KIF4A: variants seen among roughly 807,000 people sequenced by gnomAD.
The protein encoded by KIF4A is kinesin family member 4A.
In KIF4A, 7 loss-of-function variants were observed where a neutral mutation model predicts 105.9. That is an observed-to-expected ratio of 0.07 (90% CI 0.04 to 0.12). The LOEUF is 0.12. KIF4A is among the 10% of genes least tolerant of loss of function. KIF4A has a pLI of 1.00. For synonymous variants in KIF4A, 281 were observed against 331.3 expected, an observed-to-expected ratio of 0.85 and a Z score of 1.65; for missense variants, 558 against 929.2, an observed-to-expected ratio of 0.60 and a Z score of 5.19.
At chrX:70,306,502 CTTTTTCAAAT>C (rs2085827603) in intron 7 of KIF4A, among the ~76,000 whole-genome samples, 2 of 112,158 alleles carry the variant, frequency 1.8e-5, no homozygotes, top group Non-Finnish European at 3.8e-5. Context: ...CTTTCTTTTT[CTTTTTCAAAT>C]TTTTTCAAAT....
intron 7 of KIF4A, among the ~76,000 whole-genome samples, chrX:70,304,783 C>T (rs1346383103): frequency 9.2e-6 from 1 of 108,422 alleles, no homozygotes; most frequent in Non-Finnish European, 1.9e-5. Context: ...CTCAGCCTCC[C>T]ATAGCTGGGG....
intron 28 of KIF4A, among the ~76,000 whole-genome samples, chrX:70,407,921 G>A (rs766353331): frequency 1.4e-4 from 16 of 111,104 alleles, no homozygotes; most frequent in Non-Finnish European, 2.8e-4. Flanking sequence ...TACAAAATTA[G>A]CTGGGCCTGA....
intron 3 of KIF4A, among the ~76,000 whole-genome samples, chrX:70,295,286 C>G (rs2085777319): frequency 9.1e-6 from 1 of 110,293 alleles, no homozygotes; most frequent in African/African-American, 3.3e-5. Context: ...AGCAATTCTC[C>G]TGCCTCAGCC....
intron 29 of KIF4A, among the ~76,000 whole-genome samples, chrX:70,418,394 C>G (rs2086352982): frequency 8.9e-6 from 1 of 111,905 alleles, no homozygotes; most frequent in Non-Finnish European, 1.9e-5. Flanking sequence ...ACTGAGGTAG[C>G]AGCTTCCAGG....
intron 10 of KIF4A, among the ~76,000 whole-genome samples, chrX:70,340,615 A>G (rs1395159764): frequency 8.9e-6 from 1 of 112,078 alleles, no homozygotes; most frequent in Non-Finnish European, 1.9e-5. Context: ...ACATTCCTTC[A>G]TAAGAGTCTT....
rs777726889 is a variant in KIF4A, at chrX:70,376,122, A to G, written c.1946A>G (p.Gln649Arg). 13 of 1,204,957 alleles carry G rather than the reference A, an allele frequency of 1.1e-5. No individual in the cohort carries two copies. The highest frequency in any genetic ancestry group is 2.2e-5 in the Admixed American group (1 of 45,478). Residue 649 changes from glutamine (Q) to arginine (R), a missense_variant, in exon 18 of 31, where the codon CAG (glutamine) becomes CGG (arginine). By Grantham distance (43) the Gln-to-Arg change is conservative. Coordinates refer to ENST00000374403, the MANE Select transcript of KIF4A (RefSeq NM_012310.5). ...EIRMMKNQRV[Q>R]LMRQMKEDAE... ...TAGATGATGAAAAACCAGCGGGTAC[A>G]GTTAATGCGTCAAATGAAAGAAGAT...
intron 5 of KIF4A, among the ~76,000 whole-genome samples, chrX:70,300,834 A>G (rs1472884447): frequency 8.9e-6 from 1 of 112,043 alleles, no homozygotes; most frequent in Non-Finnish European, 1.9e-5. Context: ...AGTACTTTGA[A>G]ATCTCTTTGT....
chrX:70,418,320 C>T (rs143528855), intron 29 of KIF4A, among the ~76,000 whole-genome samples: 197 of 111,730 alleles, frequency 1.8e-3, no homozygotes, highest in Middle Eastern at 0.014. Context: ...CAGGCATTCA[C>T]AGGCATATAG....
At chrX:70,331,682 C>T (rs1260187924) in intron 9 of KIF4A, among the ~76,000 whole-genome samples, 1 of 110,517 alleles carries the variant, frequency 9.0e-6, no homozygotes, top group African/African-American at 3.3e-5. Context: ...TAAAGTGAAG[C>T]ACAATAAACT....
chrX:70,376,043 A>G, intron 17 of KIF4A, 57 bp from the exon 18 acceptor site: 1 of 828,364 alleles, frequency 1.2e-6, no homozygotes, highest in South Asian at 2.3e-5. Flanking sequence ...ATCCATCCGC[A>G]CCAGCCTAGA....
In KIF4A at chrX:70,333,628, G is replaced by A. The variant is rs1028007003; in HGVS notation, c.1072G>A (p.Val358Ile). The change falls in exon 10 of 31, where the codon GTA (valine) becomes ATA (isoleucine). Residue 358 changes from valine (V) to isoleucine (I), a missense_variant and splice_region_variant. Physicochemically the swap from Val to Ile is conservative, Grantham distance 29. This residue lies in a region of KIF4A where 469 missense variants were observed against 680.4 expected (regional missense o/e 0.69). Transcript: ENST00000374403. The part of the protein sequence containing the change: ...TAELNHLKQQ[V>I]QQLQVLLLQA... The stretch of plus-strand genomic sequence containing the variant: ...GATTATTTTTCTTTGCTTCTCCCAG[G>A]TACAACAGCTACAAGTCTTGTTGCT... 5.0e-6 allele frequency: 6 copies of A among 1,198,659 alleles called. No homozygotes were observed. The highest frequency in any genetic ancestry group is 6.8e-6 in the Non-Finnish European group (6 of 884,107).
At chrX:70,349,209 G>T (rs1469702048) in intron 13 of KIF4A, among the ~76,000 whole-genome samples, 4 of 103,769 alleles carry the variant, frequency 3.9e-5, no homozygotes, top group African/African-American at 1.4e-4. Flanking sequence ...CGGCCGGGCA[G>T]AGGCGCTCCT....
intron 10 of KIF4A, among the ~76,000 whole-genome samples, chrX:70,338,786 G>C (rs1168781067): frequency 9.0e-6 from 1 of 111,594 alleles, no homozygotes; most frequent in Non-Finnish European, 1.9e-5. Flanking sequence ...CTCCACACCA[G>C]GGTTAAAAGA....
intron 22 of KIF4A, among the ~76,000 whole-genome samples, chrX:70,402,239 A>G (rs1253736201): frequency 8.9e-6 from 1 of 111,934 alleles, no homozygotes; most frequent in Non-Finnish European, 1.9e-5. Flanking sequence ...CTGAGCTTAT[A>G]TGGCCTCAAG....
intron 15 of KIF4A, among the ~76,000 whole-genome samples, chrX:70,368,197 C>T (rs2086113449): frequency 8.9e-6 from 1 of 111,911 alleles, no homozygotes; most frequent in African/African-American, 3.3e-5. Context: ...TGGGTTCGAA[C>T]TTCCTCCTTT....
At chrX:70,349,394 G>A (rs1280835819) in intron 13 of KIF4A, among the ~76,000 whole-genome samples, 1 of 97,175 alleles carries the variant, frequency 1.0e-5, no homozygotes, top group Non-Finnish European at 2.1e-5. Flanking sequence ...CAGGGTGGCC[G>A]GGCAGAGACA....
Position 70,376,180 on chromosome X carries a change from A to G in KIF4A, c.2004A>G (p.Lys668=), listed in dbSNP as rs745946419. Residue 668 remains lysine (K), a synonymous_variant, in exon 18 of 31, where the codon AAA becomes AAG. Coordinates refer to ENST00000374403, the MANE Select transcript of KIF4A (RefSeq NM_012310.5). The part of the protein sequence containing the change: ...AEKFRQWKQK[K]DKEVIQLKER... ...AGTTTAGACAGTGGAAGCAGAAAAAAGACAAAGAAGTAATACAGTTAAAAG... is the reference window on the plus strand; with the variant it reads ...AGTTTAGACAGTGGAAGCAGAAAAAGGACAAAGAAGTAATACAGTTAAAAG... 2.3e-5 allele frequency: 28 copies of G among 1,191,616 alleles called. No homozygotes were observed. Among genetic ancestry groups the G allele is most frequent in the Non-Finnish European group, 2.8e-5 (25 of 878,554 alleles).
At chrX:70,300,898 A>T (rs1013412226) in intron 5 of KIF4A, among the ~76,000 whole-genome samples, 1 of 112,055 alleles carries the variant, frequency 8.9e-6, no homozygotes, top group Non-Finnish European at 1.9e-5. Context: ...TAGGAAAACC[A>T]AACAGAAATG....
chrX:70,383,256 C>T (rs931660038), intron 18 of KIF4A, among the ~76,000 whole-genome samples: 1 of 110,057 alleles, frequency 9.1e-6, no homozygotes, highest in Non-Finnish European at 1.9e-5. Flanking sequence ...ATGGGCAAAG[C>T]AATAAGTACA....
Sources: gnomAD v4.1 joint callset for allele counts (sites outside exome capture counted in the v4.1 genomes callset) on GRCh38, gnomAD v4.1.1 for gene constraint, gnomAD v4.1.1 regional missense constraint, MANE v1.5 for transcripts, NCBI Gene and HGNC (gene_info 2026-07-23, HGNC 2026-07-21) for gene names.